SULF1: variants seen among roughly 807,000 people sequenced by gnomAD.
SULF1 encodes extracellular sulfatase Sulf-1.
A neutral mutation model predicts 110.5 loss-of-function variants in SULF1; 46 were observed. The ratio of observed to expected loss-of-function variants is 0.42; its 90% confidence interval spans 0.33 to 0.53. The LOEUF is 0.53. SULF1 is among the 20% of genes least tolerant of loss of function. SULF1 has a pLI of 0.12. For missense variants in SULF1, 941 were observed against 1,094.2 expected, an observed-to-expected ratio of 0.86 and a Z score of 1.98; for synonymous variants, 371 against 387.1, an observed-to-expected ratio of 0.96 and a Z score of 0.49.
At chr8:69,610,894 T>C (rs1808599972) in intron 13 of SULF1, among the ~76,000 whole-genome samples, 1 of 152,198 alleles carries the variant, frequency 6.6e-6, no homozygotes, top group Non-Finnish European at 1.5e-5. Context: ...TCTTCTCACC[T>C]AAGGCTCAGG....
intron 8 of SULF1, among the ~76,000 whole-genome samples, chr8:69,596,737 C>A (rs1483007839): frequency 6.6e-6 from 1 of 152,172 alleles, no homozygotes; most frequent in Non-Finnish European, 1.5e-5. Flanking sequence ...GTGCACTTTA[C>A]TTCCTCATTT....
chr8:69,592,956 C>A, intron 8 of SULF1: 1 of 987,400 alleles, frequency 1.0e-6, no homozygotes, highest in Non-Finnish European at 1.2e-6. Context: ...ACTGTGTTAT[C>A]TTTTCCAGGT....
At chr8:69,504,427 C>T (rs573574697) in intron 3 of SULF1, among the ~76,000 whole-genome samples, 13 of 152,002 alleles carry the variant, frequency 8.6e-5, no homozygotes, top group Admixed American at 2.0e-4. Flanking sequence ...TGGTGGTGCG[C>T]GCCTGTAATC....
chr8:69,629,022 C>T (rs563580588), intron 18 of SULF1, among the ~76,000 whole-genome samples: 12 of 152,174 alleles, frequency 7.9e-5, no homozygotes, highest in East Asian at 5.8e-4. Flanking sequence ...AATGCATTTG[C>T]ATTCAGTGTT....
chr8:69,496,982 T>C (rs1810406580), intron 2 of SULF1, among the ~76,000 whole-genome samples: 1 of 152,156 alleles, frequency 6.6e-6, no homozygotes, highest in Admixed American at 6.5e-5. Flanking sequence ...CAATTGTGTA[T>C]GAAGTAATAG....
At chr8:69,657,711 GGTCTGTA>G (rs763150353) in intron 22 of SULF1, among the ~76,000 whole-genome samples, 6 of 152,178 alleles carry the variant, frequency 3.9e-5, no homozygotes, top group Non-Finnish European at 7.3e-5. Flanking sequence ...TCTTCTTGCT[GGTCTGTA>G]TGGCTTTATG....
intron 13 of SULF1, among the ~76,000 whole-genome samples, chr8:69,612,729 T>TTCCTTTGTAGATTCTGGATATTAG (rs1448286636): frequency 6.6e-6 from 1 of 152,200 alleles, no homozygotes; most frequent in Non-Finnish European, 1.5e-5. Context: ...TTTGGTTGAG[T>TTCCTTTGTAGATTCTGGATATTAG]TCCTTTGTAG....
chr8:69,555,552 G>T (rs1003681948), intron 3 of SULF1, among the ~76,000 whole-genome samples: 1 of 152,070 alleles, frequency 6.6e-6, no homozygotes, highest in African/African-American at 2.4e-5. Flanking sequence ...AGCTACTTGG[G>T]AGGTTGAGAA....
At chr8:69,638,706 T>G (rs1475779579) in intron 20 of SULF1, 29 bp from the exon 21 acceptor site, 1 of 1,613,308 alleles carries the variant, frequency 6.2e-7, no homozygotes, top group East Asian at 2.2e-5. Context: ...GACATAAGCT[T>G]AAATAGATTG....
At chr8:69,635,817 C>A (rs1047903264) in intron 19 of SULF1, among the ~76,000 whole-genome samples, 8 of 152,146 alleles carry the variant, frequency 5.3e-5, no homozygotes, top group African/African-American at 1.9e-4. Flanking sequence ...CTGCAGTGAG[C>A]CTTAATCATG....
At chr8:69,525,079 C>T (rs1333390725) in intron 3 of SULF1, among the ~76,000 whole-genome samples, 2 of 152,208 alleles carry the variant, frequency 1.3e-5, no homozygotes, top group African/African-American at 2.4e-5. Flanking sequence ...GATACCTGCA[C>T]AGACTTTATG....
At chr8:69,628,566 C>T (rs564080979) in intron 18 of SULF1, among the ~76,000 whole-genome samples, 32 of 152,202 alleles carry the variant, frequency 2.1e-4, no homozygotes, top group Admixed American at 7.2e-4. Flanking sequence ...CAGACTCTCT[C>T]GATGCAGTTG....
Position 69,589,159 on chromosome 8 carries a change from C to T in SULF1, c.734+18C>T, listed in dbSNP as rs949535444. On this transcript the variant is annotated intron_variant, in intron 8 of 22. Coordinates refer to ENST00000402687, the MANE Select transcript of SULF1 (RefSeq NM_001128205.2). ...CAACACATGTAAGTAACAAACTCAA[C>T]TCTGCGACCTGCCGAACATGCCTTT... The T allele has an allele frequency of 1.2e-6, 2 of 1,607,096 alleles. No individual in the cohort carries two copies. The highest frequency in any genetic ancestry group is 2.7e-5 in the African/African-American group (2 of 74,786).
chr8:69,488,150 T>A (rs1380996513), upstream of SULF1, among the ~76,000 whole-genome samples: 1 of 152,154 alleles, frequency 6.6e-6, no homozygotes, highest in Non-Finnish European at 1.5e-5. Context: ...GGAGAAGAAA[T>A]AACATCTAAA....
chr8:69,643,414 T>TAAA (rs77783841), intron 22 of SULF1, among the ~76,000 whole-genome samples: 13 of 131,094 alleles, frequency 9.9e-5, no homozygotes, highest in African/African-American at 2.4e-4. Context: ...TTTAGAAAAC[T>TAAA]AAAAAAAAAA....
intron 3 of SULF1, among the ~76,000 whole-genome samples, chr8:69,541,394 T>A (rs911157532): frequency 2.6e-5 from 4 of 152,180 alleles, no homozygotes; most frequent in African/African-American, 9.6e-5. Context: ...CTAACTCCCA[T>A]CTGTGGCACA....
intron 3 of SULF1, among the ~76,000 whole-genome samples, chr8:69,544,364 G>A (rs1298569670): frequency 1.3e-5 from 2 of 152,020 alleles, no homozygotes; most frequent in African/African-American, 2.4e-5. Context: ...TACCTCCCGG[G>A]TTCAGGCGAT....
intron 15 of SULF1, among the ~76,000 whole-genome samples, chr8:69,626,255 A>C (rs1026001412): frequency 7.2e-6 from 1 of 139,126 alleles, no homozygotes; most frequent in East Asian, 2.2e-4. Context: ...TGAGCTAGAC[A>C]TAAAGGTTCT....
At chr8:69,625,638 G>A (rs1809944169) in intron 15 of SULF1, among the ~76,000 whole-genome samples, 1 of 152,244 alleles carries the variant, frequency 6.6e-6, no homozygotes, top group Admixed American at 6.5e-5. Flanking sequence ...CTCCCAGTGG[G>A]CTCGTGGTCT....
Sources: gnomAD v4.1 joint callset for allele counts (sites outside exome capture counted in the v4.1 genomes callset) on GRCh38, gnomAD v4.1.1 for gene constraint, MANE v1.5 for transcripts, NCBI Gene and HGNC (gene_info 2026-07-23, HGNC 2026-07-21) for gene names.